The following HDHD2 variants were observed in gnomAD, a reference collection of about 807,000 sequenced individuals.
HDHD2 encodes the protein haloacid dehalogenase-like hydrolase domain-containing protein 2.
HDHD2 carries 26 observed loss-of-function variants against 24.8 expected under a neutral mutation model. That is an observed-to-expected ratio of 1.05 (90% CI 0.77 to 1.45). The LOEUF is 1.45. HDHD2 is among the 40% of genes most tolerant of loss of function. HDHD2 has a pLI of 0.00. For missense variants in HDHD2, 299 were observed against 313.4 expected (o/e 0.95, Z 0.35); for synonymous variants, 128 against 114.9 (o/e 1.11, Z -0.73).
chr18:47,112,836 C>T lies in HDHD2; in HGVS notation c.676+141G>A, dbSNP rs1430184965. 1.0e-5 allele frequency: 7 copies of T among 676,922 alleles called. No individual in the cohort carries two copies. The Admixed American group carries it at 1.2e-4, about 12-fold the overall frequency. 41.9% of individuals were successfully genotyped at this position (676,922 alleles called of 1,614,324 possible). On this transcript the variant is annotated intron_variant, in intron 6 of 6. Coordinates refer to ENST00000300605, the MANE Select transcript of HDHD2 (RefSeq NM_032124.5). Reference sequence around the variant, plus strand: ...CCCTTCCCAATTGTTTCCTATAATCCTAAGCTGTTTTATTTTTGCTTTGTG... The same window carrying T: ...CCCTTCCCAATTGTTTCCTATAATCTTAAGCTGTTTTATTTTTGCTTTGTG...
chr18:47,125,242 TTAAA>T (rs972634242), intron 4 of HDHD2, among the ~76,000 whole-genome samples: 5 of 152,186 alleles, frequency 3.3e-5, no homozygotes, highest in Admixed American at 3.3e-4. Context: ...ATAGCTACTA[TTAAA>T]TAGAGAATAT....
At chr18:47,134,343 G>C (rs2063742566) in intron 3 of HDHD2, 153 bp downstream of exon 3, 1 of 652,628 alleles carries the variant, frequency 1.5e-6, no homozygotes, top group Admixed American at 2.9e-5. Context: ...AAAAGGTTTG[G>C]GAAATGCCAA....
In HDHD2 at chr18:47,108,639, A is replaced by C. The variant is rs772919417; in HGVS notation, c.*43T>G. 3 of 1,064,916 alleles carry C rather than the reference A, an allele frequency of 2.8e-6. No homozygotes were observed. Among genetic ancestry groups the C allele is most frequent in the Non-Finnish European group, 4.3e-6 (3 of 694,804 alleles). The allele number at this position is 1,064,916 out of a possible 1,614,324, so 66.0% of individuals were successfully genotyped here. A position where few individuals can be genotyped will look rare whatever the true frequency, so the allele number is the denominator to read the frequency against. On this transcript the variant is annotated 3_prime_UTR_variant, in exon 7 of 7. Transcript: ENST00000300605. ...GTTGGTAAGGGATTCATTCCAGACA[A>C]TAAGAAGCTGCATTTCAAGTTGCTT...
intron 4 of HDHD2, among the ~76,000 whole-genome samples, chr18:47,129,713 G>C (rs2063693947): frequency 6.6e-6 from 1 of 152,124 alleles, no homozygotes; most frequent in Non-Finnish European, 1.5e-5. Context: ...TGGTGGATCA[G>C]CCTGGATACT....
chr18:47,119,642 T>C (rs530741299), intron 4 of HDHD2, among the ~76,000 whole-genome samples: 1 of 152,344 alleles, frequency 6.6e-6, no homozygotes, highest in African/African-American at 2.4e-5. Context: ...TAAAATCAAC[T>C]TCTTCCAAAC....
At chr18:47,137,663 C>T (rs1461708001) in intron 1 of HDHD2, among the ~76,000 whole-genome samples, 2 of 152,094 alleles carry the variant, frequency 1.3e-5, no homozygotes, top group African/African-American at 4.8e-5. Context: ...ACAACAAAAA[C>T]CCCATAAAAA....
intron 4 of HDHD2, among the ~76,000 whole-genome samples, chr18:47,129,131 A>G (rs1010452705): frequency 1.8e-4 from 28 of 152,182 alleles, no homozygotes; most frequent in African/African-American, 6.8e-4. Context: ...GGTAAATTAT[A>G]CTGTTTAATG....
chr18:47,118,385 T>G (rs574571046), intron 4 of HDHD2, among the ~76,000 whole-genome samples: 1 of 152,036 alleles, frequency 6.6e-6, no homozygotes, highest in Non-Finnish European at 1.5e-5. Context: ...AGAAAGAAAA[T>G]GTGGTACACA....
intron 1 of HDHD2, among the ~76,000 whole-genome samples, chr18:47,140,140 T>G (rs1317080570): frequency 6.6e-6 from 1 of 152,244 alleles, no homozygotes; most frequent in Non-Finnish European, 1.5e-5. Flanking sequence ...TCTTTCACAA[T>G]TTTCGTGATT....
At chr18:47,137,447 C>G (rs2063776716) in intron 1 of HDHD2, 1 of 241,552 alleles carries the variant, frequency 4.1e-6, no homozygotes, top group African/African-American at 2.3e-5. Context: ...CATTCCTTTA[C>G]AGTACACAAA....
intron 1 of HDHD2, among the ~76,000 whole-genome samples, chr18:47,147,220 G>A (rs1450176451): frequency 1.3e-5 from 2 of 152,126 alleles, no homozygotes; most frequent in African/African-American, 4.8e-5. Context: ...TGATGAAAGA[G>A]GGAAAAAGAA....
intron 3 of HDHD2, 152 bp from the exon 4 acceptor site, chr18:47,130,480 A>T (rs929758634): frequency 8.7e-6 from 5 of 575,282 alleles, no homozygotes; most frequent in African/African-American, 7.6e-5. Context: ...CTTTGGAAGT[A>T]TAAGAGAGTA....
Position 47,127,625 on chromosome 18 carries a change from C to T in HDHD2, c.395+2619G>A, listed in dbSNP as rs547204036. 5.5e-5 allele frequency among the ~76,000 whole-genome samples: 8 copies of T among 145,792 alleles called. No individual in the cohort carries two copies. The South Asian group carries it at 1.3e-3, about 24-fold the overall frequency. On this transcript the variant is annotated intron_variant, in intron 4 of 6. Coordinates refer to ENST00000300605, the MANE Select transcript of HDHD2 (RefSeq NM_032124.5). The stretch of plus-strand genomic sequence containing the variant: ...ATAATTGGTCCATTACTTAAATGCT[C>T]AAACTTTGGGTTTTTTTGTTTTTCG...
intron 1 of HDHD2, among the ~76,000 whole-genome samples, chr18:47,145,285 T>G (rs554298322): frequency 1.3e-4 from 20 of 152,314 alleles, no homozygotes; most frequent in African/African-American, 4.1e-4. Flanking sequence ...TTTACACCAG[T>G]ACAAATGGCC....
At chr18:47,150,328 C>T (rs1331800246) in intron 1 of HDHD2, 50 bp downstream of exon 1, 1 of 152,498 alleles carries the variant, frequency 6.6e-6, no homozygotes, top group Non-Finnish European at 1.5e-5. Flanking sequence ...TCTGCAGCCT[C>T]CCGGCCCCAA....
At chr18:47,129,900 C>T (rs1427207492) in intron 4 of HDHD2, among the ~76,000 whole-genome samples, 2 of 152,088 alleles carry the variant, frequency 1.3e-5, no homozygotes, top group African/African-American at 2.4e-5. Context: ...GTGGCGAAAC[C>T]CCGTCTCTAC....
chr18:47,115,620 G>A (rs1028038485), intron 4 of HDHD2, among the ~76,000 whole-genome samples: 43 of 152,100 alleles, frequency 2.8e-4, no homozygotes, highest in African/African-American at 9.9e-4. Context: ...CAAATCACCA[G>A]GGAAAGAGAA....
chr18:47,135,682 TC>T (rs890663775), intron 2 of HDHD2, among the ~76,000 whole-genome samples: 25 of 152,344 alleles, frequency 1.6e-4, no homozygotes, highest in African/African-American at 6.0e-4. Context: ...AGGATAAAGA[TC>T]CTTAATATAT....
chr18:47,128,312 A>T (rs900552886), intron 4 of HDHD2, among the ~76,000 whole-genome samples: 13 of 152,344 alleles, frequency 8.5e-5, no homozygotes, highest in Admixed American at 3.9e-4. Context: ...GTCCTTCCCA[A>T]ATTGCCAGCT....
Sources: allele counts gnomAD v4.1 joint callset (sites outside exome capture counted in the v4.1 genomes callset), GRCh38; gene constraint gnomAD v4.1.1; transcripts MANE v1.5; gene names NCBI Gene and HGNC (gene_info 2026-07-23, HGNC 2026-07-21).